Variants in HDAC9 observed in about 807,000 individuals in gnomAD.
HDAC9 encodes the protein MEF-2 interacting transcription repressor (MITR) protein.
In HDAC9, 41 loss-of-function variants were observed where a neutral mutation model predicts 139.4. The ratio of observed to expected loss-of-function variants is 0.29; its 90% confidence interval spans 0.23 to 0.38. The LOEUF (loss-of-function observed/expected upper bound fraction) is 0.38, where lower values mean the gene tolerates loss of function less well. Ranked by LOEUF, HDAC9 falls within the 10% of genes least tolerant of loss-of-function variation. The pLI is 1.00. For synonymous variants in HDAC9, 517 were observed against 476.2 expected (o/e 1.09, Z -1.12); for missense variants, 1,147 against 1,297.0 (o/e 0.88, Z 1.78).
chr7:18,829,374 C>A, intron 18 of HDAC9, 87 bp from the exon 19 acceptor site: 2 of 1,160,364 alleles, frequency 1.7e-6, no homozygotes, highest in African/African-American at 1.5e-5. Flanking sequence ...GATCATATAG[C>A]ATTTAAAAAA....
intron 8 of HDAC9, among the ~76,000 whole-genome samples, chr7:18,639,469 GT>G (rs1040653462): frequency 1.3e-5 from 2 of 151,808 alleles, no homozygotes; most frequent in South Asian, 4.2e-4. Context: ...TTTGTTTTTT[GT>G]TTTTTGTTTT....
chr7:18,722,360 C>T (rs569780307), intron 12 of HDAC9, among the ~76,000 whole-genome samples: 1 of 152,212 alleles, frequency 6.6e-6, no homozygotes, highest in South Asian at 2.1e-4. Context: ...TCTAATGGTG[C>T]TCAATAAGTA....
At chr7:18,793,496 A>G in intron 17 of HDAC9, 44 bp downstream of exon 17, 1 of 1,210,236 alleles carries the variant, frequency 8.3e-7, no homozygotes, top group Non-Finnish European at 1.2e-6. Flanking sequence ...CAGAGAAGAA[A>G]CTGAAACAGA....
chr7:18,284,717 G>T (rs1797324474), intron 2 of HDAC9, among the ~76,000 whole-genome samples: 1 of 152,090 alleles, frequency 6.6e-6, no homozygotes, highest in South Asian at 2.1e-4. Context: ...GGGTTGTTGT[G>T]AGAACTAAAA....
intron 13 of HDAC9, among the ~76,000 whole-genome samples, chr7:18,745,692 G>A (rs1310736306): frequency 6.6e-6 from 1 of 150,932 alleles, no homozygotes; most frequent in East Asian, 2.0e-4. Flanking sequence ...GACTACAGGC[G>A]CCCGCCACCA....
chr7:18,285,915 G>A (rs1797417683), upstream of HDAC9, among the ~76,000 whole-genome samples: 1 of 152,068 alleles, frequency 6.6e-6, no homozygotes. Flanking sequence ...ATGCATCTCA[G>A]AAAAACATAC....
chr7:18,989,203 G>A (rs1205145294), intron 25 of HDAC9, among the ~76,000 whole-genome samples: 35 of 148,438 alleles, frequency 2.4e-4, no homozygotes, highest in African/African-American at 3.0e-4. Context: ...GGCTGGTACC[G>A]GTTGTTCCTT....
At chr7:18,267,024 G>A (rs932889768) in intron 2 of HDAC9, among the ~76,000 whole-genome samples, 2 of 152,078 alleles carry the variant, frequency 1.3e-5, no homozygotes, top group Admixed American at 6.6e-5. Flanking sequence ...CTGTTCAGCT[G>A]TGAAAATAAA....
intron 11 of HDAC9, among the ~76,000 whole-genome samples, chr7:18,658,676 A>G (rs1425344784): frequency 1.3e-5 from 2 of 152,096 alleles, no homozygotes; most frequent in African/African-American, 4.8e-5. Context: ...ATGGAGTATT[A>G]TTTTGGCTTG....
rs570915500 is a variant in HDAC9, at chr7:18,839,681, C to A, written c.2684+3684C>A. Among the ~76,000 whole-genome samples, 9 of 152,138 alleles carry A rather than the reference C, an allele frequency of 5.9e-5. No individual in the cohort carries two copies. In the South Asian group the frequency reaches 1.9e-3, roughly 32 times the overall value. ...ACTATGCTCTACAAAGAACTCTGAA[C>A]ATCTATTCATTTTGTTATAAGAATG... On this transcript the variant is annotated intron_variant, in intron 21 of 25. Coordinates refer to ENST00000686413, the MANE Select transcript of HDAC9 (RefSeq NM_178425.4).
In HDAC9 at chr7:18,472,973, A is replaced by T. The variant is rs147584497; in HGVS notation, c.-41-23289A>T. ...CTTAGCAATTTCTAAATCACCTTTGATATACAACAATCCATATGCACAGCA... is the reference window on the plus strand; with the variant it reads ...CTTAGCAATTTCTAAATCACCTTTGTTATACAACAATCCATATGCACAGCA... On this transcript the variant is annotated intron_variant, in intron 1 of 3. Coordinates refer to the HDAC9 transcript ENST00000413509. 4.3e-4 allele frequency among the ~76,000 whole-genome samples: 65 copies of T among 152,332 alleles called. 1 individual carries two copies. The East Asian group carries it at 0.013, about 29-fold the overall frequency.
chr7:18,520,091 T>A (rs1157833639), intron 2 of HDAC9, among the ~76,000 whole-genome samples: 1 of 151,974 alleles, frequency 6.6e-6, no homozygotes, highest in Non-Finnish European at 1.5e-5. Flanking sequence ...AGAAAAAAAA[T>A]GCTAGCATGA....
At chr7:18,278,909 T>C (rs887928473) in intron 2 of HDAC9, among the ~76,000 whole-genome samples, 3 of 152,196 alleles carry the variant, frequency 2.0e-5, no homozygotes, top group Admixed American at 2.0e-4. Context: ...AACAAGAGTT[T>C]TCTCTGCTGT....
chr7:18,157,248 G>A (rs1488503374), intron 1 of HDAC9, among the ~76,000 whole-genome samples: 1 of 152,194 alleles, frequency 6.6e-6, no homozygotes, highest in Non-Finnish European at 1.5e-5. Flanking sequence ...GCTTATACAG[G>A]TGTTCATTCT....
intron 12 of HDAC9, among the ~76,000 whole-genome samples, chr7:18,721,239 A>G (rs965929417): frequency 3.9e-5 from 6 of 152,154 alleles, no homozygotes; most frequent in Non-Finnish European, 7.4e-5. Flanking sequence ...TACAGGTACA[A>G]TTCAAGTTTC....
chr7:18,488,206 A>T (rs1796113345), intron 1 of HDAC9, among the ~76,000 whole-genome samples: 1 of 152,040 alleles, frequency 6.6e-6, no homozygotes, highest in African/African-American at 2.4e-5. Context: ...CCTTGTATGT[A>T]CATAGCTTAG....
chr7:18,338,078 G>A (rs991213588), intron 1 of HDAC9, among the ~76,000 whole-genome samples: 2 of 151,462 alleles, frequency 1.3e-5, no homozygotes, highest in Non-Finnish European at 3.0e-5. Context: ...TCTACAACAG[G>A]GTTAAGTACC....
chr7:18,732,424 G>C (rs1474075174), intron 13 of HDAC9, among the ~76,000 whole-genome samples: 2 of 149,312 alleles, frequency 1.3e-5, no homozygotes, highest in South Asian at 2.1e-4. Flanking sequence ...CTATGTGCAT[G>C]TGTGTATGTG....
intron 1 of HDAC9, among the ~76,000 whole-genome samples, chr7:18,367,544 T>C (rs542680782): frequency 6.6e-6 from 1 of 152,278 alleles, no homozygotes; most frequent in South Asian, 2.1e-4. Context: ...AACTGCACTT[T>C]AATATTTCTT....
Sources: gnomAD v4.1 joint callset for allele counts (sites outside exome capture counted in the v4.1 genomes callset) on GRCh38, gnomAD v4.1.1 for gene constraint, MANE v1.5 for transcripts, NCBI Gene and HGNC (gene_info 2026-07-23, HGNC 2026-07-21) for gene names.